MSTO1: variants seen among roughly 807,000 people sequenced by gnomAD.
MSTO1 encodes the protein protein misato homolog 1.
MSTO1 carries 24 observed loss-of-function variants against 55.7 expected under a neutral mutation model. The ratio of observed to expected loss-of-function variants is 0.43; its 90% confidence interval spans 0.31 to 0.61. The LOEUF is 0.61. Ranked by LOEUF, MSTO1 falls within the 20% of genes least tolerant of loss-of-function variation. MSTO1 has a pLI of 0.09. For synonymous variants in MSTO1, 162 were observed against 252.8 expected (o/e 0.64, Z 3.41); for missense variants, 363 against 625.7 (o/e 0.58, Z 4.48).
chr1:155,590,541 G>A, the MSTO1 span: 4 of 830,284 alleles, frequency 4.8e-6, no homozygotes, highest in South Asian at 5.8e-5. Flanking sequence ...TCCCAAAGCT[G>A]TTGGGCACTG....
chr1:155,612,488 C>T lies in MSTO1; in HGVS notation c.884C>T (p.Ser295Phe), dbSNP rs759414031. Residue 295 changes from serine to phenylalanine, a missense_variant, in exon 9 of 14, where the codon TCT becomes TTT. Coordinates refer to ENST00000245564, the MANE Select transcript of MSTO1 (RefSeq NM_018116.4). ...FGLVHLTAHS[S>F]LVCPLSLGGS... ...CTCGTGCACCTGACTGCTCACAGCT[C>T]TCTTGTCTGCCCCTTGTCCTTGGGT... 2 of 1,613,960 alleles carry T rather than the reference C, an allele frequency of 1.2e-6. No homozygotes were observed. Among genetic ancestry groups the T allele is most frequent in the African/African-American group, 1.3e-5 (1 of 74,882 alleles).
chr1:155,609,943 G>C, upstream of MSTO1: 3 of 430,500 alleles, frequency 7.0e-6, no homozygotes, highest in Non-Finnish European at 1.3e-5. Context: ...AGCCTTCCAC[G>C]GCCCGCGCCC....
chr1:155,591,072 G>A, the MSTO1 span: 1 of 1,613,710 alleles, frequency 6.2e-7, no homozygotes, highest in Admixed American at 1.7e-5. Context: ...CGTACACCTT[G>A]CACTGCATCT....
At chr1:155,575,213 T>A in the MSTO1 span, among the ~76,000 whole-genome samples, 5 of 149,042 alleles carry the variant, frequency 3.4e-5, no homozygotes, top group Non-Finnish European at 7.4e-5. Context: ...TCTTTGACCC[T>A]CAAAAAAAAA....
At chr1:155,605,564 T>C (rs1225860440), upstream of MSTO1, among the ~76,000 whole-genome samples, 2 of 152,138 alleles carry the variant, frequency 1.3e-5, no homozygotes, top group Admixed American at 1.3e-4. Flanking sequence ...ATCCCAGAAC[T>C]TTCAGAGTGG....
At chr1:155,586,097 TG>T in the MSTO1 span, among the ~76,000 whole-genome samples, 4 of 152,264 alleles carry the variant, frequency 2.6e-5, no homozygotes, top group Admixed American at 2.6e-4. Flanking sequence ...TACGGACATT[TG>T]TTTTTTTTAC....
At chr1:155,608,496 C>CTTTTT (rs769788957), upstream of MSTO1, among the ~76,000 whole-genome samples, 10 of 132,776 alleles carry the variant, frequency 7.5e-5, no homozygotes, top group East Asian at 2.1e-4. Flanking sequence ...TGCCTTATCT[C>CTTTTT]TTTTTTTTTT....
At chr1:155,578,695 A>G in the MSTO1 span, among the ~76,000 whole-genome samples, 4 of 150,446 alleles carry the variant, frequency 2.7e-5, no homozygotes, top group African/African-American at 4.9e-5. Context: ...TATTTTTAGT[A>G]GAGATGGGGT....
At chr1:155,576,630 T>G in the MSTO1 span, among the ~76,000 whole-genome samples, 68 of 152,012 alleles carry the variant, frequency 4.5e-4, no homozygotes, top group Middle Eastern at 3.4e-3. Flanking sequence ...CAGCCTATTT[T>G]TAGTTCTTTT....
At chr1:155,602,390 C>T in the MSTO1 span, among the ~76,000 whole-genome samples, 2 of 152,272 alleles carry the variant, frequency 1.3e-5, no homozygotes, top group South Asian at 2.1e-4. Context: ...GCAGGAGAAT[C>T]GCTTGAACCC....
chr1:155,607,948 G>A (rs1174361235), upstream of MSTO1, among the ~76,000 whole-genome samples: 1 of 152,188 alleles, frequency 6.6e-6, no homozygotes, highest in Non-Finnish European at 1.5e-5. Flanking sequence ...AGTGAGCCGG[G>A]AGATTGCACC....
Position 155,612,563 on chromosome 1 carries a change from A to G in MSTO1, c.959A>G (p.His320Arg), listed in dbSNP as rs141339706. ...PEPPVSFPYL[H>R]YDATLPFHCS... ...CCACCTGTCAGCTTCCCTTACCTGCATTATGATGTAAGTCTCGGTGCTCTT... is the reference window on the plus strand; with the variant it reads ...CCACCTGTCAGCTTCCCTTACCTGCGTTATGATGTAAGTCTCGGTGCTCTT... The change falls in exon 9 of 14, where the codon CAT (histidine) becomes CGT (arginine). Residue 320 changes from histidine to arginine, a missense_variant. By Grantham distance (29) the His-to-Arg change is conservative. Transcript: ENST00000245564. 2 of 1,610,044 alleles carry G rather than the reference A, an allele frequency of 1.2e-6. No homozygotes were observed. The highest frequency in any genetic ancestry group is 1.7e-6 in the Non-Finnish European group (2 of 1,179,094).
the MSTO1 span, among the ~76,000 whole-genome samples, chr1:155,604,160 C>T: frequency 8.5e-5 from 13 of 152,204 alleles, no homozygotes; most frequent in Non-Finnish European, 4.4e-5. Flanking sequence ...TGAGCAACAA[C>T]GTTTTTGGAC....
the MSTO1 span, chr1:155,563,485 C>A: frequency 2.6e-5 from 12 of 456,464 alleles, no homozygotes; most frequent in Non-Finnish European, 5.3e-5. Flanking sequence ...CGAGGAAGAT[C>A]GGCGTGGTGG....
chr1:155,588,874 G>T, the MSTO1 span, among the ~76,000 whole-genome samples: 35,865 of 151,106 alleles, frequency 0.24, 3,990 homozygotes, highest in East Asian at 0.56. Flanking sequence ...GGCTCTCCCT[G>T]CATGTGCCCC....
At chr1:155,581,133 T>C in the MSTO1 span, among the ~76,000 whole-genome samples, 912 of 152,246 alleles carry the variant, frequency 6.0e-3, 9 homozygotes, top group Non-Finnish European at 0.01. Context: ...TTTATTTTGT[T>C]TTTTAATTGT....
chr1:155,612,346 A>C (rs536618045), intron 8 of MSTO1, 30 bp downstream of exon 8: 1 of 1,578,372 alleles, frequency 6.3e-7, no homozygotes, highest in South Asian at 1.2e-5. Flanking sequence ...GTAAACAGTC[A>C]CACAGTGGGG....
chr1:155,590,606 C>T, the MSTO1 span: 11 of 1,325,684 alleles, frequency 8.3e-6, no homozygotes, highest in African/African-American at 4.4e-5. Flanking sequence ...CCATGTCAGA[C>T]GTAATTCTTG....
At chr1:155,571,785 C>T in the MSTO1 span, among the ~76,000 whole-genome samples, 19 of 152,066 alleles carry the variant, frequency 1.2e-4, no homozygotes, top group African/African-American at 4.6e-4. Context: ...TGGTGGCTTA[C>T]GCCTGTAATC....
Sources: gnomAD v4.1 joint callset for allele counts (sites outside exome capture counted in the v4.1 genomes callset) on GRCh38, gnomAD v4.1.1 for gene constraint, MANE v1.5 for transcripts, NCBI Gene and HGNC (gene_info 2026-07-23, HGNC 2026-07-21) for gene names.